POLR1A: variants seen among roughly 807,000 people sequenced by gnomAD.
The protein encoded by POLR1A is RNA polymerase I subunit A, also known as DNA-directed RNA polymerase I subunit RPA1.
Under a neutral mutation model 205.3 loss-of-function variants are expected in POLR1A, and 84 were observed. The observed-to-expected ratio is 0.41, with a 90% confidence interval of 0.34 to 0.49. The LOEUF is 0.49. POLR1A is among the 20% of genes least tolerant of loss of function. The probability of loss-of-function intolerance (pLI) is 0.22; values close to 1 mark genes in which losing one functional copy is unlikely to be tolerated. For synonymous variants in POLR1A, 799 were observed against 863.7 expected (o/e 0.93, Z 1.31); for missense variants, 1,645 against 2,204.5 (o/e 0.75, Z 5.08).
chr2:86,031,843 C>A (rs962785979), intron 29 of POLR1A, among the ~76,000 whole-genome samples: 3 of 152,220 alleles, frequency 2.0e-5, no homozygotes, highest in Admixed American at 6.5e-5. Flanking sequence ...TCCCCCTGAG[C>A]CCCTCACAGA....
chr2:86,063,739 A>G (rs1170953080), intron 14 of POLR1A, among the ~76,000 whole-genome samples: 4 of 152,214 alleles, frequency 2.6e-5, no homozygotes, highest in African/African-American at 7.2e-5. Flanking sequence ...TCCACAGACT[A>G]AGAACTGGAG....
chr2:86,054,292 G>A lies in POLR1A; in HGVS notation c.2059-3C>T. 4 of 1,613,102 alleles carry A rather than the reference G, an allele frequency of 2.5e-6. No individual in the cohort carries two copies. The highest frequency in any genetic ancestry group is 2.2e-5 in the East Asian group (1 of 44,852). On this transcript the variant is annotated splice_region_variant and splice_polypyrimidine_tract_variant and intron_variant, in intron 14 of 33. Transcript: ENST00000263857. ...TTTATGAGCAGCGTTGACACAACCTGCAAAGAAAAAGAGGACAAACTGATG... is the reference window on the plus strand; with the variant it reads ...TTTATGAGCAGCGTTGACACAACCTACAAAGAAAAAGAGGACAAACTGATG...
chr2:86,031,740 A>AG, intron 29 of POLR1A, 105 bp from the exon 30 acceptor site: 4 of 1,424,986 alleles, frequency 2.8e-6, no homozygotes, highest in African/African-American at 1.4e-5. Context: ...GGCCTGGGCT[A>AG]CCTAGGCCCC....
intron 14 of POLR1A, among the ~76,000 whole-genome samples, chr2:86,064,526 T>C (rs935262881): frequency 7.9e-5 from 12 of 152,326 alleles, no homozygotes; most frequent in African/African-American, 2.4e-4. Flanking sequence ...TCCTGTAGTC[T>C]TGGGCATGTA....
At chr2:86,079,946 A>T (rs1368143296) in intron 9 of POLR1A, among the ~76,000 whole-genome samples, 3 of 152,224 alleles carry the variant, frequency 2.0e-5, no homozygotes, top group African/African-American at 7.2e-5. Context: ...GCACTAAGGC[A>T]TGCACATGGC....
intron 14 of POLR1A, among the ~76,000 whole-genome samples, chr2:86,063,084 C>T (rs1673024198): frequency 6.6e-6 from 1 of 152,044 alleles, no homozygotes; most frequent in African/African-American, 2.4e-5. Flanking sequence ...GCCTGTAGTC[C>T]CAGCACTTTG....
At chr2:86,091,388 T>A (rs1673603942) in intron 3 of POLR1A, among the ~76,000 whole-genome samples, 1 of 152,162 alleles carries the variant, frequency 6.6e-6, no homozygotes, top group Admixed American at 6.5e-5. Flanking sequence ...CCCAAAGTGC[T>A]AGGATTACAG....
At chr2:86,044,349 C>G in intron 21 of POLR1A, 45 bp from the exon 22 acceptor site, 2 of 1,606,820 alleles carry the variant, frequency 1.2e-6, no homozygotes, top group Non-Finnish European at 1.7e-6. Context: ...CCATCACCTC[C>G]CCAGGGCAGC....
chr2:86,030,691 G>C (rs1434837634), intron 30 of POLR1A, among the ~76,000 whole-genome samples: 2 of 152,206 alleles, frequency 1.3e-5, no homozygotes, highest in Non-Finnish European at 2.9e-5. Context: ...AAGACCACAA[G>C]GCAGGGTACA....
In POLR1A at chr2:86,038,835, T is replaced by C; in HGVS notation, c.3899A>G (p.Gln1300Arg). ...TTTTTCTTCCATACAGAAGGACTCC[T>C]GGACGTCAATTTTCTGCAACACCTG... ...LGEVLQKIDV[Q>R]ESFCMEEKQN... is the part of the protein sequence containing the mutation. Residue 1300 changes from glutamine to arginine, a missense_variant, in exon 27 of 34, where the codon CAG becomes CGG. Transcript: ENST00000263857. The C allele has an allele frequency of 1.2e-6, 2 of 1,614,174 alleles. No individual in the cohort carries two copies. The highest frequency in any genetic ancestry group is 1.7e-6 in the Non-Finnish European group (2 of 1,180,014).
chr2:86,076,448 C>A (rs1250140071), intron 11 of POLR1A, among the ~76,000 whole-genome samples: 1 of 152,216 alleles, frequency 6.6e-6, no homozygotes, highest in Non-Finnish European at 1.5e-5. Flanking sequence ...TATATGGGAG[C>A]ACATTAGTCT....
chr2:86,047,916 AG>A (rs1672736997), intron 18 of POLR1A, among the ~76,000 whole-genome samples: 1 of 152,158 alleles, frequency 6.6e-6, no homozygotes, highest in African/African-American at 2.4e-5. Context: ...GGGCAACTGG[AG>A]GGACAAGAAA....
rs1352398084 is a variant in POLR1A at position 86,081,122 on chromosome 2, GTGGTGGCTTAAGCC to G, written c.924-158_924-145del. 1.6e-5 allele frequency: 12 copies of G among 748,702 alleles called. No homozygotes were observed. The South Asian group carries it at 2.2e-4, about 14-fold the overall frequency. The allele number at this position is 748,702 out of a possible 1,614,324, so 46.4% of individuals were successfully genotyped here. ...TTCCTAACCAACATTCCGGCTGGGTGTGGTGGCTTAAGCCTGTAATCCCAGTACTTTGGGAAGCC... is the reference window on the plus strand; with the variant it reads ...TTCCTAACCAACATTCCGGCTGGGTGTGTAATCCCAGTACTTTGGGAAGCC... On this transcript the variant is annotated intron_variant, in intron 8 of 33. Coordinates refer to ENST00000263857, the MANE Select transcript of POLR1A (RefSeq NM_015425.6).
At chr2:86,044,404 T>C (rs1672675462) in intron 21 of POLR1A, 100 bp from the exon 22 acceptor site, 34 of 1,299,496 alleles carry the variant, frequency 2.6e-5, no homozygotes, top group Non-Finnish European at 3.7e-5. Context: ...AAAGGGGGGC[T>C]CCTGTTCTGC....
At chr2:86,092,352 CA>C (rs1030439153) in intron 3 of POLR1A, among the ~76,000 whole-genome samples, 2 of 152,164 alleles carry the variant, frequency 1.3e-5, no homozygotes, top group African/African-American at 4.8e-5. Flanking sequence ...GCCTCTAGGC[CA>C]GGGGGGCTCC....
chr2:86,102,243 A>T (rs1004429847), intron 1 of POLR1A, among the ~76,000 whole-genome samples: 5 of 152,214 alleles, frequency 3.3e-5, no homozygotes, highest in Non-Finnish European at 7.3e-5. Flanking sequence ...ACCATTTTAC[A>T]TTCACACTAA....
intron 13 of POLR1A, among the ~76,000 whole-genome samples, chr2:86,067,487 T>C (rs1395035639): frequency 1.3e-5 from 2 of 152,156 alleles, no homozygotes; most frequent in Non-Finnish European, 2.9e-5. Flanking sequence ...AGTTTAACTG[T>C]TTTCATGGAA....
At chr2:86,031,770 C>A in intron 29 of POLR1A, 135 bp from the exon 30 acceptor site, 2 of 1,163,850 alleles carry the variant, frequency 1.7e-6, no homozygotes, top group Non-Finnish European at 2.4e-6. Flanking sequence ...ACACTCCCGG[C>A]TCCTCTGCTC....
At position 86,028,092 on chromosome 2, in the gene POLR1A, C is replaced by T. The variant is rs1216686938; in HGVS notation, c.4898-43G>A. 7 of 1,600,984 alleles carry T rather than the reference C, an allele frequency of 4.4e-6. No individual in the cohort carries two copies. The highest frequency in any genetic ancestry group is 6.0e-6 in the Non-Finnish European group (7 of 1,168,776). On this transcript the variant is annotated intron_variant, in intron 32 of 33. Transcript: ENST00000263857. This position sits in a 1 kb window ranked among gnomAD's most constrained non-coding sequence, Gnocchi z 4.5. ...AAATTAGGAGGGATTAAGCAGTGACCACGGGAGCAGTCAGCAGACACAAGC... is the reference window on the plus strand; with the variant it reads ...AAATTAGGAGGGATTAAGCAGTGACTACGGGAGCAGTCAGCAGACACAAGC...
Sources: allele counts gnomAD v4.1 joint callset (sites outside exome capture counted in the v4.1 genomes callset), GRCh38; gene constraint gnomAD v4.1.1; non-coding constraint Gnocchi (gnomAD v3.1); transcripts MANE v1.5; gene names NCBI Gene and HGNC (gene_info 2026-07-23, HGNC 2026-07-21).